The following TNRC18 variants were observed in gnomAD, a reference collection of about 807,000 sequenced individuals.
The protein encoded by TNRC18 is trinucleotide repeat containing 18, also known as trinucleotide repeat-containing gene 18 protein.
TNRC18 carries 69 observed loss-of-function variants against 226.7 expected under a neutral mutation model. The ratio of observed to expected loss-of-function variants is 0.30; its 90% CI spans 0.25 to 0.37. The LOEUF (loss-of-function observed/expected upper bound fraction) is 0.37. TNRC18 is among the 10% of genes least tolerant of loss of function. The pLI, the probability that TNRC18 is intolerant of heterozygous loss-of-function variation, is 1.00. For missense variants in TNRC18, 4,754 were observed against 4,256.6 expected (o/e 1.12, Z -3.25); for synonymous variants, 2,449 against 1,927.6 (o/e 1.27, Z -7.09).
chr7:5,417,025 C>T (rs908869745), intron 2 of TNRC18, among the ~76,000 whole-genome samples: 1 of 142,738 alleles, frequency 7.0e-6, no homozygotes, highest in African/African-American at 2.6e-5. Flanking sequence ...CAGCTGGGTG[C>T]AGTGGTGCAC....
intron 2 of TNRC18, chr7:5,420,194 C>T: frequency 8.7e-6 from 3 of 343,504 alleles, no homozygotes; most frequent in East Asian, 9.0e-5. Flanking sequence ...CCGTCCCCAC[C>T]GCGCCTGGGC....
At position 5,312,864 on chromosome 7, in the gene TNRC18, T is replaced by A. The variant is rs1298834303; in HGVS notation, c.8027A>T (p.Asp2676Val). Residue 2676 changes from aspartate to valine, a missense_variant, in exon 27 of 30, where the codon GAC (aspartate) becomes GTC (valine). By Grantham distance (152) the Asp-to-Val change is radical. Coordinates refer to ENST00000430969, the MANE Select transcript of TNRC18 (RefSeq NM_001080495.3). The surrounding 1 kb of genome is among the most constrained non-coding windows in gnomAD (Gnocchi z 6.3). ...SSSSSSTTDEDSSCSSDDEAA... is the reference protein window; with the variant it reads ...SSSSSSTTDEVSSCSSDDEAA... The stretch of plus-strand genomic sequence containing the variant: ...CTCATCGTCCGAGCTGCAGGAAGAG[T>A]CCTCGTCTGTGGTGGAGGAAGAAGA... The A allele has an allele frequency of 6.6e-7, 1 of 1,520,638 alleles. No individual in the cohort carries two copies. Among genetic ancestry groups the A allele is most frequent in the African/African-American group, 1.4e-5 (1 of 70,822 alleles). The allele number at this position is 1,520,638 out of a possible 1,614,324, so 94.2% of individuals were successfully genotyped here.
At chr7:5,389,527 T>G (rs963036953) in intron 4 of TNRC18, 191 bp from the exon 5 acceptor site, 49 of 633,796 alleles carry the variant, frequency 7.7e-5, no homozygotes, top group Non-Finnish European at 1.0e-4. Flanking sequence ...CAACCTTGGC[T>G]CACTGCAACC....
intron 2 of TNRC18, among the ~76,000 whole-genome samples, chr7:5,395,566 C>T (rs1460781582): frequency 6.6e-6 from 1 of 152,246 alleles, no homozygotes; most frequent in African/African-American, 2.4e-5. Flanking sequence ...GGTCACAGGT[C>T]AGAGAGAAGC....
At chr7:5,375,989 A>T (rs763282226) in intron 9 of TNRC18, 45 bp downstream of exon 9, 1 of 1,542,164 alleles carries the variant, frequency 6.5e-7, no homozygotes, top group African/African-American at 1.4e-5. Flanking sequence ...CTCGTCACCC[A>T]TGGGGGCCCC....
chr7:5,398,665 T>G (rs1345071335), intron 2 of TNRC18, among the ~76,000 whole-genome samples: 2 of 150,868 alleles, frequency 1.3e-5, no homozygotes, highest in African/African-American at 4.9e-5. Context: ...TCACCCAGGC[T>G]GTAGTGCAGT....
intron 24 of TNRC18, among the ~76,000 whole-genome samples, chr7:5,318,617 C>A (rs895782799): frequency 1.2e-4 from 18 of 152,074 alleles, no homozygotes; most frequent in African/African-American, 4.3e-4. Context: ...CACACACACA[C>A]ACACGGAATT....
chr7:5,335,876 C>A (rs1341934106), intron 18 of TNRC18, among the ~76,000 whole-genome samples: 1 of 148,580 alleles, frequency 6.7e-6, no homozygotes, highest in Non-Finnish European at 1.5e-5. Flanking sequence ...TGACTCTCCA[C>A]AACCTCAGCC....
Position 5,308,127 on chromosome 7 carries a change from G to C in TNRC18, c.8886C>G (p.Asp2962Glu). ...GGGCTCAGCAGAGCACGGGCACGCC[G>C]TCCGTGGAGAAGATCATGCCCGTGG... ...EPTTGMIFSTDGVPVLC is the reference protein window; with the variant it reads ...EPTTGMIFSTEGVPVLC Residue 2962 changes from aspartate to glutamate, a missense_variant, in exon 30 of 30, where the codon GAC becomes GAG. By Grantham distance (45) the Asp-to-Glu change is conservative. Coordinates refer to ENST00000430969, the MANE Select transcript of TNRC18 (RefSeq NM_001080495.3). The C allele has an allele frequency of 6.4e-7, 1 of 1,555,706 alleles. No homozygotes were observed. The highest frequency in any genetic ancestry group is 8.7e-7 in the Non-Finnish European group (1 of 1,150,590).
In TNRC18 at chr7:5,421,499, G is replaced by T. The variant is rs1383951519; in HGVS notation, c.-243-10C>A. 6.6e-6 allele frequency: 1 copy of T among 151,670 alleles called. No individual in the cohort carries two copies. The highest frequency in any genetic ancestry group is 1.5e-5 in the Non-Finnish European group (1 of 68,222). 9.4% of individuals were successfully genotyped at this position (151,670 alleles called of 1,614,324 possible). A position where few individuals can be genotyped will look rare whatever the true frequency, so the allele number is the denominator to read the frequency against. ...GCGGCGCACACGGCGTCTTGGCGGG[G>T]AGGAGACAGGCCGCGGAAGAAATAG... On this transcript the variant is annotated splice_polypyrimidine_tract_variant and intron_variant, in intron 1 of 29. Coordinates refer to ENST00000430969, the MANE Select transcript of TNRC18 (RefSeq NM_001080495.3).
At chr7:5,405,210 T>A (rs548947295) in intron 2 of TNRC18, among the ~76,000 whole-genome samples, 1 of 152,024 alleles carries the variant, frequency 6.6e-6, no homozygotes, top group Non-Finnish European at 1.5e-5. Context: ...GGAGGATCAC[T>A]TGGGCTCAGG....
chr7:5,338,659 G>A (rs1283995428), intron 18 of TNRC18, among the ~76,000 whole-genome samples: 1 of 147,918 alleles, frequency 6.8e-6, no homozygotes, highest in Non-Finnish European at 1.5e-5. Context: ...AGTAGCTCAC[G>A]CCTGTAATCC....
Position 5,313,409 on chromosome 7 carries a change from C to A in TNRC18, c.7482G>T (p.Glu2494Asp), listed in dbSNP as rs1382431502. The A allele has an allele frequency of 1.3e-6, 2 of 1,597,840 alleles. No individual in the cohort carries two copies. Among genetic ancestry groups the A allele is most frequent in the East Asian group, 4.5e-5 (2 of 44,166 alleles). The change falls in exon 27 of 30, where the codon GAG becomes GAT. Residue 2494 changes from glutamate (E) to aspartate (D), a missense_variant. Transcript: ENST00000430969. ...REDPGAGGWQEPKSLLSLGSY... is the reference protein window; with the variant it reads ...REDPGAGGWQDPKSLLSLGSY... ...TGCCCAGGCTCAGGAGGCTCTTGGG[C>A]TCCTGCCAGCCCCCCGCCCCCGGAT... is the stretch of plus-strand genomic sequence containing the variant.
At position 5,371,227 on chromosome 7, in the gene TNRC18, G is replaced by A. The variant is rs768853778; in HGVS notation, c.3367C>T (p.Arg1123Cys). Residue 1123 changes from arginine to cysteine, a missense_variant, in exon 11 of 30, where the codon CGC becomes TGC. Arg to Cys is a radical substitution (Grantham distance 180, BLOSUM62 -3). Transcript: ENST00000430969. Reference sequence around the variant, plus strand: ...TTGTCTTCGGGTGAGAGTGCCAGGCGCTCGGGCCCATCAGCCGGGAGCGGC... The same window carrying A: ...TTGTCTTCGGGTGAGAGTGCCAGGCACTCGGGCCCATCAGCCGGGAGCGGC... The part of the protein sequence containing the change: ...DVPLPADGPE[R>C]LALSPEDKPI... The A allele has an allele frequency of 4.4e-6, 7 of 1,605,348 alleles. No homozygotes were observed. The highest frequency in any genetic ancestry group is 3.3e-5 in the South Asian group (3 of 90,746).
chr7:5,423,002 T>G (rs1782669653), intron 1 of TNRC18: 1 of 152,274 alleles, frequency 6.6e-6, no homozygotes, highest in African/African-American at 2.4e-5. Flanking sequence ...ACCCTCACAC[T>G]GGCAAAGAAG....
chr7:5,411,382 G>C (rs984942430), intron 2 of TNRC18, among the ~76,000 whole-genome samples: 2 of 151,588 alleles, frequency 1.3e-5, no homozygotes, highest in Non-Finnish European at 2.9e-5. Flanking sequence ...GCCGTGTGTG[G>C]TGACTCACAC....
At chr7:5,311,026 A>C (rs776741548) in intron 27 of TNRC18, among the ~76,000 whole-genome samples, 9 of 152,178 alleles carry the variant, frequency 5.9e-5, no homozygotes, top group Admixed American at 1.3e-4. Context: ...ACGTTTGTGT[A>C]CGTGTGCAAG....
At chr7:5,390,214 AGTCAGCT>A (rs1780183187) in intron 4 of TNRC18, 4 of 520,002 alleles carry the variant, frequency 7.7e-6, no homozygotes, top group Admixed American at 3.6e-5. Context: ...AAAGTTAAAA[AGTCAGCT>A]GGCTGTGGTG....
Position 5,374,398 on chromosome 7 carries a change from G to A in TNRC18, c.2886C>T (p.Gly962=). The stretch of plus-strand genomic sequence containing the variant: ...GCAGCCCGGGGCCGGCGGTGGCCAG[G>A]CCAGCCTTGCCCGCAGCCTCCAGGC... ...KRGLEAAGKA[G]LATAGPGLLP... is the part of the protein sequence containing the mutation. The change falls in exon 10 of 30, where the codon GGC becomes GGT. Residue 962 remains glycine (G), a synonymous_variant. Transcript: ENST00000430969. 1.3e-6 allele frequency: 2 copies of A among 1,529,556 alleles called. No homozygotes were observed. The highest frequency in any genetic ancestry group is 1.8e-6 in the Non-Finnish European group (2 of 1,138,518). 94.7% of individuals were successfully genotyped at this position (1,529,556 alleles called of 1,614,324 possible). A position where few individuals can be genotyped will look rare whatever the true frequency, so the allele number is the denominator to read the frequency against.
Sources: gnomAD v4.1 joint callset for allele counts (sites outside exome capture counted in the v4.1 genomes callset) on GRCh38, gnomAD v4.1.1 for gene constraint, Gnocchi (gnomAD v3.1) non-coding constraint, MANE v1.5 for transcripts, NCBI Gene and HGNC (gene_info 2026-07-23, HGNC 2026-07-21) for gene names.